ROBO2: variants seen among roughly 807,000 people sequenced by gnomAD.
ROBO2 encodes roundabout homolog 2.
A neutral mutation model predicts 160.8 loss-of-function variants in ROBO2; 53 were observed. The ratio of observed to expected loss-of-function variants is 0.33; its 90% CI spans 0.26 to 0.41. ROBO2 has a LOEUF of 0.41. ROBO2 is among the 10% of genes least tolerant of loss of function. ROBO2 has a pLI of 1.00. For synonymous variants in ROBO2, 664 were observed against 611.7 expected, an observed-to-expected ratio of 1.09 and a Z score of -1.26; for missense variants, 1,577 against 1,722.4, an observed-to-expected ratio of 0.92 and a Z score of 1.49.
At chr3:77,444,703 C>T (rs910755963) in intron 2 of ROBO2, among the ~76,000 whole-genome samples, 1 of 151,912 alleles carries the variant, frequency 6.6e-6, no homozygotes, top group African/African-American at 2.4e-5. Flanking sequence ...GTATAAAATC[C>T]TATGTGGGAA....
At chr3:77,461,870 C>T (rs1053796056) in intron 2 of ROBO2, among the ~76,000 whole-genome samples, 2 of 151,890 alleles carry the variant, frequency 1.3e-5, no homozygotes, top group African/African-American at 4.8e-5. Context: ...GGATTACAGG[C>T]CCGTGCCACC....
chr3:76,646,483 C>T (rs1261212460), intron 2 of ROBO2, among the ~76,000 whole-genome samples: 1 of 152,182 alleles, frequency 6.6e-6, no homozygotes, highest in Non-Finnish European at 1.5e-5. Flanking sequence ...CTCCAGACCA[C>T]AGAGCTACTT....
intron 2 of ROBO2, among the ~76,000 whole-genome samples, chr3:76,115,731 A>C (rs2108262166): frequency 6.6e-6 from 1 of 152,248 alleles, no homozygotes; most frequent in East Asian, 1.9e-4. Flanking sequence ...ATTAGCCATA[A>C]GAAGCAGCAA....
intron 2 of ROBO2, among the ~76,000 whole-genome samples, chr3:76,489,778 T>C (rs900085722): frequency 3.3e-5 from 5 of 151,978 alleles, no homozygotes; most frequent in Non-Finnish European, 5.9e-5. Context: ...AGATATATGG[T>C]TTAAAATAAA....
At chr3:77,309,664 G>A (rs1271820389) in intron 2 of ROBO2, among the ~76,000 whole-genome samples, 2 of 152,210 alleles carry the variant, frequency 1.3e-5, no homozygotes, top group East Asian at 3.9e-4. Context: ...TCTCTTCCCA[G>A]ATGAGTCATG....
intron 13 of ROBO2, among the ~76,000 whole-genome samples, chr3:77,570,162 G>A (rs2093602618): frequency 6.6e-6 from 1 of 151,994 alleles, no homozygotes. Flanking sequence ...TCTCTGTTCT[G>A]TTGCAAGTTA....
chr3:76,911,172 T>C (rs2075970599), intron 2 of ROBO2, among the ~76,000 whole-genome samples: 1 of 152,152 alleles, frequency 6.6e-6, no homozygotes, highest in South Asian at 2.1e-4. Flanking sequence ...AAAACATAGT[T>C]GTGGCACACA....
In ROBO2 at chr3:76,723,389, A is replaced by G. The variant is rs896818373; in HGVS notation, c.110-374625A>G. On this transcript the variant is annotated intron_variant, in intron 2 of 26. Coordinates refer to the ROBO2 transcript ENST00000487694. ...GAGTAGTGCACCATCTTTGGGGAAA[A>G]AAATCCATAAACATAAGTGACAAGA... Among the ~76,000 whole-genome samples, 4 of 152,278 alleles carry G rather than the reference A, an allele frequency of 2.6e-5. No homozygotes were observed. In the East Asian group the frequency reaches 7.7e-4, roughly 29 times the overall value.
chr3:76,769,335 T>A (rs1049166123), intron 2 of ROBO2, among the ~76,000 whole-genome samples: 2 of 144,968 alleles, frequency 1.4e-5, no homozygotes, highest in Non-Finnish European at 3.0e-5. Context: ...TCAGAGAGTC[T>A]GTATTTGTAA....
At position 77,515,616 on chromosome 3, in the gene ROBO2, AT is replaced by A. The variant is rs1237846172; in HGVS notation, c.807-7157del. ...TATTCTTTGAACCCATTAGGAAAAA[AT>A]TCTGAGAAGCAGCTACTCTTTTGGT... is the stretch of plus-strand genomic sequence containing the variant. On this transcript the variant is annotated intron_variant, in intron 5 of 25. Coordinates refer to ENST00000461745, the Ensembl canonical transcript of ROBO2. Among the ~76,000 whole-genome samples, 4 of 151,826 alleles carry A rather than the reference AT, an allele frequency of 2.6e-5. No individual in the cohort carries two copies. The East Asian group carries it at 7.8e-4, about 30-fold the overall frequency.
intron 2 of ROBO2, among the ~76,000 whole-genome samples, chr3:76,051,205 A>G (rs2067643528): frequency 6.6e-6 from 1 of 152,138 alleles, no homozygotes; most frequent in South Asian, 2.1e-4. Context: ...GTTATTTGAA[A>G]CTCTAAAATA....
At chr3:76,236,672 C>A (rs919301846) in intron 2 of ROBO2, among the ~76,000 whole-genome samples, 3 of 152,044 alleles carry the variant, frequency 2.0e-5, no homozygotes, top group Middle Eastern at 3.4e-3. Flanking sequence ...TGGAGTGGGA[C>A]ATTGGAATAA....
At chr3:76,059,445 C>T (rs1041658195) in intron 2 of ROBO2, among the ~76,000 whole-genome samples, 10 of 152,160 alleles carry the variant, frequency 6.6e-5, no homozygotes, top group African/African-American at 2.4e-4. Context: ...GCATAAATGT[C>T]TTCTTTTGAG....
intron 2 of ROBO2, among the ~76,000 whole-genome samples, chr3:76,544,165 C>T (rs2082966637): frequency 6.6e-6 from 1 of 151,980 alleles, no homozygotes; most frequent in South Asian, 2.1e-4. Flanking sequence ...TCTTCATGTC[C>T]TAAAGAGTCA....
At chr3:76,053,421 C>G (rs183434129) in intron 2 of ROBO2, among the ~76,000 whole-genome samples, 49 of 152,002 alleles carry the variant, frequency 3.2e-4, no homozygotes, top group Non-Finnish European at 5.9e-4. Flanking sequence ...TCTTTCATTT[C>G]AAAACCTAAA....
intron 2 of ROBO2, among the ~76,000 whole-genome samples, chr3:76,822,301 T>C (rs904935170): frequency 2.0e-5 from 3 of 151,988 alleles, no homozygotes; most frequent in African/African-American, 4.8e-5. Flanking sequence ...ACACAGTGAA[T>C]ACTGAGTAAA....
intron 2 of ROBO2, among the ~76,000 whole-genome samples, chr3:77,464,106 C>T (rs1211623008): frequency 6.6e-6 from 1 of 152,070 alleles, no homozygotes. Flanking sequence ...AAGACAAAGG[C>T]TTTTTTTAAA....
chr3:76,591,864 A>G (rs2086437594), intron 2 of ROBO2, among the ~76,000 whole-genome samples: 1 of 152,032 alleles, frequency 6.6e-6, no homozygotes, highest in African/African-American at 2.4e-5. Context: ...CTGGAAATTG[A>G]AAGTGTTTTG....
At chr3:76,335,061 G>C (rs1330924698) in intron 2 of ROBO2, among the ~76,000 whole-genome samples, 1 of 151,140 alleles carries the variant, frequency 6.6e-6, no homozygotes, top group Admixed American at 6.6e-5. Context: ...GTAGAGACAG[G>C]GTCTTGAAAT....
Sources: gnomAD v4.1 joint callset for allele counts (sites outside exome capture counted in the v4.1 genomes callset) on GRCh38, gnomAD v4.1.1 for gene constraint, MANE v1.5 for transcripts, NCBI Gene and HGNC (gene_info 2026-07-23, HGNC 2026-07-21) for gene names.